CRHR1: variants seen among roughly 807,000 people sequenced by gnomAD.
CRHR1 encodes the protein corticotropin-releasing hormone receptor 1.
A neutral mutation model predicts 56.0 loss-of-function variants in CRHR1; 28 were observed. The ratio of observed to expected loss-of-function variants is 0.50; its 90% CI spans 0.37 to 0.69. The LOEUF (loss-of-function observed/expected upper bound fraction) is 0.69. CRHR1 is among the 30% of genes least tolerant of loss of function. The pLI, the probability that CRHR1 is intolerant of heterozygous loss-of-function variation, is 0.00. For synonymous variants in CRHR1, 195 were observed against 216.5 expected, an observed-to-expected ratio of 0.90 and a Z score of 0.87; for missense variants, 376 against 548.0, an observed-to-expected ratio of 0.69 and a Z score of 3.13.
At chr17:45,833,089 G>A (rs17689966) in intron 8 of CRHR1, 49 bp from the exon 9 acceptor site, 899,254 of 1,513,444 alleles carry the variant, frequency 0.59, 271,848 homozygotes, top group East Asian at 0.82. Flanking sequence ...CCATGCCATC[G>A]AGGTGGACGC....
chr17:45,818,730 C>T (rs1568056042), intron 3 of CRHR1, among the ~76,000 whole-genome samples: 2 of 152,180 alleles, frequency 1.3e-5, no homozygotes, highest in African/African-American at 2.4e-5. Flanking sequence ...CCCAGAGCTG[C>T]ACCTCATCAT....
chr17:45,833,688 G>A lies in CRHR1; in HGVS notation c.930-26G>A, dbSNP rs374619563. 540 of 1,593,710 alleles carry A rather than the reference G, an allele frequency of 3.4e-4. 1 individual carries two copies. The highest frequency in any genetic ancestry group is 1.2e-3 in the African/African-American group (93 of 74,676). On this transcript the variant is annotated intron_variant, in intron 10 of 12. Coordinates refer to ENST00000314537, the MANE Select transcript of CRHR1 (RefSeq NM_004382.5). ...CCGTCCTGGGGTGGGCTGTGACTCC[G>A]AGCCTCCCCACCCGCCCCACCCCAG...
chr17:45,795,518 C>T (rs1303901801), intron 1 of CRHR1, among the ~76,000 whole-genome samples: 1 of 152,204 alleles, frequency 6.6e-6, no homozygotes, highest in Non-Finnish European at 1.5e-5. Flanking sequence ...AGTCGCACCT[C>T]CCCCTTCCTG....
At chr17:45,834,502 A>G (rs1259429260) in intron 12 of CRHR1, 122 bp from the exon 13 acceptor site, 2 of 1,087,260 alleles carry the variant, frequency 1.8e-6, no homozygotes, top group East Asian at 5.2e-5. Flanking sequence ...CCTACTGAGG[A>G]CTTCCATGTA....
intron 5 of CRHR1, 84 bp downstream of exon 5, chr17:45,829,405 G>T (rs2062241510): frequency 2.1e-6 from 3 of 1,403,676 alleles, no homozygotes; most frequent in African/African-American, 1.4e-5. Context: ...GCAGCTCTAG[G>T]TTGGGGTGGG....
chr17:45,810,285 AAATAATAAT>A, intron 2 of CRHR1, among the ~76,000 whole-genome samples: 1 of 151,660 alleles, frequency 6.6e-6, no homozygotes, highest in Non-Finnish European at 1.5e-5. Context: ...ACTCTGTCTC[AAATAATAAT>A]AATAATAATA....
chr17:45,833,778 G>A lies in CRHR1; in HGVS notation c.994G>A (p.Val332Ile), dbSNP rs760794960. 94 of 1,612,396 alleles carry A rather than the reference G, an allele frequency of 5.8e-5. No individual in the cohort carries two copies. The highest frequency in any genetic ancestry group is 4.9e-4 in the East Asian group (22 of 44,752). The stretch of plus-strand genomic sequence containing the variant: ...GGGCATCACCTACATGCTGTTCTTC[G>A]TCAATCCCGGGGAGGATGAGGTCTC... ...LLGITYMLFFVNPGEDEVSRV... is the reference protein window; with the variant it reads ...LLGITYMLFFINPGEDEVSRV... Residue 332 changes from valine (V) to isoleucine (I), a missense_variant, in exon 11 of 13, where the codon GTC (valine) becomes ATC (isoleucine). Coordinates refer to ENST00000314537, the MANE Select transcript of CRHR1 (RefSeq NM_004382.5).
Position 45,834,772 on chromosome 17 carries a change from G to A in CRHR1, c.*8G>A, listed in dbSNP as rs764631917. Reference sequence around the variant, plus strand: ...CAGTCCACAGCAGTCTGAGCTGGCAGGTCATGGAGCAGCCCCCAAAGAGCT... The same window carrying A: ...CAGTCCACAGCAGTCTGAGCTGGCAAGTCATGGAGCAGCCCCCAAAGAGCT... On this transcript the variant is annotated 3_prime_UTR_variant, in exon 13 of 13. Transcript: ENST00000314537. 8 of 1,613,456 alleles carry A rather than the reference G, an allele frequency of 5.0e-6. No homozygotes were observed. The highest frequency in any genetic ancestry group is 1.1e-5 in the South Asian group (1 of 91,084).
chr17:45,830,455 C>A lies in CRHR1; in HGVS notation c.594C>A (p.Phe198Leu). Residue 198 changes from phenylalanine to leucine, a missense_variant, in exon 7 of 13, where the codon TTC (phenylalanine) becomes TTA (leucine). Transcript: ENST00000314537. ...TGGTGACAGCCGCCTACAACTACTTCCATGTGACCAACTTCTTCTGGATGT... is the reference window on the plus strand; with the variant it reads ...TGGTGACAGCCGCCTACAACTACTTACATGTGACCAACTTCTTCTGGATGT... ...CRLVTAAYNY[F>L]HVTNFFWMFG... is the part of the protein sequence containing the mutation. 1 of 1,613,544 alleles carries A rather than the reference C, an allele frequency of 6.2e-7. No homozygotes were observed. The highest frequency in any genetic ancestry group is 8.5e-7 in the Non-Finnish European group (1 of 1,179,912).
intron 2 of CRHR1, among the ~76,000 whole-genome samples, chr17:45,816,183 C>G (rs1181355815): frequency 1.3e-5 from 2 of 152,168 alleles, no homozygotes; most frequent in African/African-American, 4.8e-5. Context: ...AATGCCAGGA[C>G]CTTAGCTTTT....
chr17:45,784,674 C>A lies in CRHR1; in HGVS notation c.33+97C>A. 1 of 1,278,560 alleles carries A rather than the reference C, an allele frequency of 7.8e-7. No homozygotes were observed. The highest frequency in any genetic ancestry group is 1.0e-6 in the Non-Finnish European group (1 of 962,780). The allele number at this position is 1,278,560 out of a possible 1,614,324, so 79.2% of individuals were successfully genotyped here. ...TGTGGGTGTGATGGGGGCGGGGGCG[C>A]TGGGAGAGCCGTGCTTAGGTCGGGG... is the stretch of plus-strand genomic sequence containing the variant. On this transcript the variant is annotated intron_variant, in intron 1 of 12. Transcript: ENST00000314537. This position sits in a 1 kb window ranked among gnomAD's most constrained non-coding sequence, Gnocchi z 4.2.
At chr17:45,801,990 G>A (rs2061631961) in intron 1 of CRHR1, among the ~76,000 whole-genome samples, 1 of 152,030 alleles carries the variant, frequency 6.6e-6, no homozygotes, top group South Asian at 2.1e-4. Context: ...CCGCTCCCCA[G>A]GTTAAGAATT....
chr17:45,830,658 C>A, intron 7 of CRHR1, 88 bp downstream of exon 7: 2 of 1,492,262 alleles, frequency 1.3e-6, no homozygotes, highest in Non-Finnish European at 1.8e-6. Flanking sequence ...GGCTGGGGGG[C>A]CTGAGGGATG....
chr17:45,810,814 G>C (rs563295340), intron 2 of CRHR1, among the ~76,000 whole-genome samples: 9 of 152,336 alleles, frequency 5.9e-5, no homozygotes, highest in African/African-American at 2.2e-4. Flanking sequence ...CCAAACAGAA[G>C]GCAGCTCAGC....
In CRHR1 at chr17:45,829,556, C is replaced by G. The variant is rs1006098570; in HGVS notation, c.434+235C>G. The G allele has an allele frequency of 1.9e-6, 3 of 1,548,418 alleles. No individual in the cohort carries two copies. The African/African-American group carries it at 4.1e-5, about 21-fold the overall frequency. On this transcript the variant is annotated intron_variant, in intron 5 of 12. Transcript: ENST00000314537. ...CAAAACTTGTCTTATGTCACCCATA[C>G]CCAGGCCAGGCTGCACCCATTGGGG...
rs367597306 is a variant in CRHR1 at position 45,816,603 on chromosome 17, G to A, written c.241+21G>A. 7.6e-5 allele frequency: 122 copies of A among 1,613,702 alleles called. No individual in the cohort carries two copies. In the African/African-American group the frequency reaches 1.5e-3, roughly 20 times the overall value. ...CACAAGTAAGGAAGAAGTGGAGGGT[G>A]GACCATCTGCTGGGAGGTGGGACAG... On this transcript the variant is annotated intron_variant, in intron 3 of 12. Coordinates refer to ENST00000314537, the MANE Select transcript of CRHR1 (RefSeq NM_004382.5).
intron 4 of CRHR1, chr17:45,826,323 T>G (rs1201971986): frequency 1.3e-5 from 2 of 152,148 alleles, no homozygotes; most frequent in Non-Finnish European, 2.9e-5. Flanking sequence ...CTCTGGTTGT[T>G]ATTGGAAATG....
intron 1 of CRHR1, among the ~76,000 whole-genome samples, 195 bp from the exon 2 acceptor site, chr17:45,806,815 T>G (rs770748908): frequency 1.1e-4 from 16 of 151,632 alleles, no homozygotes; most frequent in Non-Finnish European, 1.9e-4. Flanking sequence ...CTCCAGACCC[T>G]CCAGGCAGAG....
chr17:45,829,401 C>A, intron 5 of CRHR1, 80 bp downstream of exon 5: 2 of 1,426,732 alleles, frequency 1.4e-6, no homozygotes, highest in Non-Finnish European at 1.9e-6. Context: ...AGGAGCAGCT[C>A]TAGGTTGGGG....
Sources: gnomAD v4.1 joint callset for allele counts (sites outside exome capture counted in the v4.1 genomes callset) on GRCh38, gnomAD v4.1.1 for gene constraint, Gnocchi (gnomAD v3.1) non-coding constraint, MANE v1.5 for transcripts, NCBI Gene and HGNC (gene_info 2026-07-23, HGNC 2026-07-21) for gene names.